HDHD2: variants seen among roughly 807,000 people sequenced by gnomAD.
The protein encoded by HDHD2 is haloacid dehalogenase-like hydrolase domain-containing protein 2.
A neutral mutation model predicts 24.8 loss-of-function variants in HDHD2; 26 were observed. That is an observed-to-expected ratio of 1.05 (90% CI 0.77 to 1.45). HDHD2 has a LOEUF of 1.45. HDHD2 is among the 40% of genes most tolerant of loss of function. The pLI, the probability that HDHD2 is intolerant of heterozygous loss-of-function variation, is 0.00. For synonymous variants in HDHD2, 128 were observed against 114.9 expected, an observed-to-expected ratio of 1.11 and a Z score of -0.73; for missense variants, 299 against 313.4, an observed-to-expected ratio of 0.95 and a Z score of 0.35.
intron 5 of HDHD2, 50 bp from the exon 6 acceptor site, chr18:47,113,090 C>T (rs1344323036): frequency 2.0e-6 from 3 of 1,479,916 alleles, no homozygotes; most frequent in Non-Finnish European, 2.8e-6. Context: ...AGTAAGCTAG[C>T]CAACAAACAT....
At chr18:47,146,206 G>T (rs1177054986) in intron 1 of HDHD2, among the ~76,000 whole-genome samples, 1 of 150,160 alleles carries the variant, frequency 6.7e-6, no homozygotes, top group Non-Finnish European at 1.5e-5. Flanking sequence ...CTTCAGCCTG[G>T]GCGACAGAGC....
chr18:47,116,185 T>C (rs1481755079), intron 4 of HDHD2, among the ~76,000 whole-genome samples: 1 of 152,182 alleles, frequency 6.6e-6, no homozygotes, highest in Non-Finnish European at 1.5e-5. Flanking sequence ...TCCATCACAA[T>C]AATACAGCCT....
At chr18:47,116,427 T>C (rs1254925813) in intron 4 of HDHD2, among the ~76,000 whole-genome samples, 1 of 152,222 alleles carries the variant, frequency 6.6e-6, no homozygotes, top group Non-Finnish European at 1.5e-5. Context: ...ACTGCTAAAT[T>C]ATTTTTGTCA....
intron 1 of HDHD2, among the ~76,000 whole-genome samples, chr18:47,141,036 T>A (rs1278933375): frequency 6.6e-6 from 1 of 152,226 alleles, no homozygotes; most frequent in Non-Finnish European, 1.5e-5. Flanking sequence ...ATAGCATGCA[T>A]CCTTATTCTG....
At chr18:47,136,249 A>G (rs2063764667) in intron 2 of HDHD2, 90 bp downstream of exon 2, 4 of 1,530,872 alleles carry the variant, frequency 2.6e-6, no homozygotes, top group African/African-American at 1.4e-5. Context: ...GTAAAATGCC[A>G]TCTTAAGGCC....
intron 5 of HDHD2, 24 bp downstream of exon 5, chr18:47,115,108 C>A (rs1157359423): frequency 6.4e-7 from 1 of 1,567,198 alleles, no homozygotes; most frequent in African/African-American, 1.4e-5. Context: ...GAGCTGGGAG[C>A]ACCTCCTGGG....
rs1568042669 is a variant in HDHD2 at position 47,113,021 on chromosome 18, CCAA to C, written c.629_631del (p.Val210del). ...CAGCATGCCGACATCTTGAGCCCCACCAACATCATCCCTGCAATCCTAGAAAAG... is the reference window on the plus strand; with the variant it reads ...CAGCATGCCGACATCTTGAGCCCCACCATCATCCCTGCAATCCTAGAAAAG... On this transcript the variant is annotated inframe_deletion, in exon 6 of 7. Transcript: ENST00000300605. 2 of 1,614,126 alleles carry C rather than the reference CCAA, an allele frequency of 1.2e-6. No homozygotes were observed. The highest frequency in any genetic ancestry group is 1.7e-6 in the Non-Finnish European group (2 of 1,179,972).
chr18:47,113,878 T>C (rs2063535586), intron 5 of HDHD2, among the ~76,000 whole-genome samples: 1 of 152,122 alleles, frequency 6.6e-6, no homozygotes, highest in Non-Finnish European at 1.5e-5. Context: ...ACTTGCCCTG[T>C]TGAAGAGTGG....
intron 4 of HDHD2, among the ~76,000 whole-genome samples, chr18:47,121,505 T>C (rs2063606846): frequency 6.6e-6 from 1 of 152,224 alleles, no homozygotes; most frequent in African/African-American, 2.4e-5. Context: ...TCACCTGAAC[T>C]GTAACAGCCT....
chr18:47,118,865 G>GCTGGAAC (rs1484248691), intron 4 of HDHD2, among the ~76,000 whole-genome samples: 2 of 152,084 alleles, frequency 1.3e-5, no homozygotes, highest in East Asian at 1.9e-4. Context: ...AGTGCTGGAA[G>GCTGGAAC]CTGGAACCTG....
At chr18:47,139,608 C>G (rs1187732153) in intron 1 of HDHD2, among the ~76,000 whole-genome samples, 1 of 151,824 alleles carries the variant, frequency 6.6e-6, no homozygotes, top group Admixed American at 6.6e-5. Context: ...TGAAGCCAGT[C>G]AGTAAGAAGT....
At chr18:47,136,085 T>C (rs1314897010) in intron 2 of HDHD2, among the ~76,000 whole-genome samples, 2 of 152,220 alleles carry the variant, frequency 1.3e-5, no homozygotes, top group Non-Finnish European at 2.9e-5. Context: ...CCAACATTTA[T>C]ATTACTGACT....
intron 1 of HDHD2, among the ~76,000 whole-genome samples, chr18:47,147,258 G>A (rs2063881040): frequency 6.6e-6 from 1 of 152,102 alleles, no homozygotes; most frequent in African/African-American, 2.4e-5. Context: ...AATATATTAA[G>A]AGCTGTGGTT....
intron 4 of HDHD2, among the ~76,000 whole-genome samples, chr18:47,129,748 T>A (rs11873174): frequency 0.026 from 4,002 of 152,298 alleles, 61 homozygotes; most frequent in Non-Finnish European, 0.041. Context: ...ATTAGCATAG[T>A]CAGTAGAGAA....
At chr18:47,111,271 CAG>C in intron 6 of HDHD2, 1 of 984,382 alleles carries the variant, frequency 1.0e-6, no homozygotes, top group Non-Finnish European at 1.2e-6. Flanking sequence ...CAATAGACGA[CAG>C]AGCCAGTGGA....
chr18:47,145,289 A>T (rs1269240241), intron 1 of HDHD2, among the ~76,000 whole-genome samples: 1 of 152,234 alleles, frequency 6.6e-6, no homozygotes, highest in Non-Finnish European at 1.5e-5. Context: ...CACCAGTACA[A>T]ATGGCCAAGT....
At chr18:47,108,931 G>A in intron 6 of HDHD2, 146 bp from the exon 7 acceptor site, 2 of 586,942 alleles carry the variant, frequency 3.4e-6, no homozygotes, top group Admixed American at 3.3e-5. Context: ...ACCTTTTATT[G>A]AGGCTTCAGG....
At chr18:47,139,692 G>T (rs983335791) in intron 1 of HDHD2, among the ~76,000 whole-genome samples, 1 of 152,074 alleles carries the variant, frequency 6.6e-6, no homozygotes, top group African/African-American at 2.4e-5. Context: ...CTCAACCTGT[G>T]GGATCTGACA....
At chr18:47,131,892 TTTCTC>T (rs2063717004) in intron 3 of HDHD2, among the ~76,000 whole-genome samples, 1 of 152,200 alleles carries the variant, frequency 6.6e-6, no homozygotes, top group African/African-American at 2.4e-5. Flanking sequence ...AAGTAATTCT[TTTCTC>T]TGAGTGGTTA....
Sources: allele counts gnomAD v4.1 joint callset (sites outside exome capture counted in the v4.1 genomes callset), GRCh38; gene constraint gnomAD v4.1.1; transcripts MANE v1.5; gene names NCBI Gene and HGNC (gene_info 2026-07-23, HGNC 2026-07-21).